The following TANC1 variants were observed in gnomAD, a reference collection of about 807,000 sequenced individuals.
TANC1 encodes protein TANC1.
Under a neutral mutation model 149.7 loss-of-function variants are expected in TANC1, and 77 were observed. That is an observed-to-expected ratio of 0.51 (90% CI 0.43 to 0.62). The LOEUF is 0.62. Ranked by LOEUF, TANC1 falls within the 20% of genes least tolerant of loss-of-function variation. The pLI, the probability that TANC1 is intolerant of heterozygous loss-of-function variation, is 0.00. For missense variants in TANC1, 1,985 were observed against 2,321.8 expected (o/e 0.85, Z 2.98); for synonymous variants, 854 against 925.0 (o/e 0.92, Z 1.39).
chr2:159,226,024 A>G (rs2060003011), intron 24 of TANC1: 4 of 491,376 alleles, frequency 8.1e-6, no homozygotes, highest in Middle Eastern at 5.5e-4. Flanking sequence ...TTTACTAAAA[A>G]TACAAAAATC....
rs1347799739 is a variant in TANC1, at chr2:159,104,055, T to C, written c.259+6221T>C. Among the ~76,000 whole-genome samples the C allele has an allele frequency of 2.1e-5, 2 of 96,030 alleles. 1 individual carries two copies. Among genetic ancestry groups the C allele is most frequent in the Non-Finnish European group, 5.8e-5 (2 of 34,370 alleles). The allele number at this position is 96,030 out of a possible 152,430, so 63.0% of individuals were successfully genotyped here. ...AGAGCCAGCTGGTTCTAGTCCTTGC[T>C]TCCACTGCTGAGTGGTTGGGACCAC... On this transcript the variant is annotated intron_variant, in intron 4 of 26. Coordinates refer to ENST00000263635, the MANE Select transcript of TANC1 (RefSeq NM_033394.3).
chr2:159,077,234 T>G (rs1340894487), intron 3 of TANC1, among the ~76,000 whole-genome samples: 2 of 152,178 alleles, frequency 1.3e-5, no homozygotes, highest in African/African-American at 4.8e-5. Context: ...CTTTTAAATT[T>G]TTTGTAGAGG....
chr2:159,124,421 A>G (rs2049178110), intron 4 of TANC1, among the ~76,000 whole-genome samples: 2 of 152,178 alleles, frequency 1.3e-5, no homozygotes, highest in Non-Finnish European at 2.9e-5. Context: ...TGCATGTCTA[A>G]TAAGTTCGCA....
intron 1 of TANC1, among the ~76,000 whole-genome samples, chr2:158,998,980 C>T (rs1238550572): frequency 1.3e-5 from 2 of 152,050 alleles, no homozygotes; most frequent in African/African-American, 4.8e-5. Flanking sequence ...GAAATCACTC[C>T]CTGAAGGCCA....
intron 3 of TANC1, among the ~76,000 whole-genome samples, chr2:159,077,667 T>C (rs1463745786): frequency 6.6e-6 from 1 of 152,230 alleles, no homozygotes; most frequent in African/African-American, 2.4e-5. Context: ...TATAGCCTTC[T>C]AAAAAGTAGC....
intron 19 of TANC1, among the ~76,000 whole-genome samples, chr2:159,206,181 G>A (rs1032347010): frequency 2.0e-5 from 3 of 152,198 alleles, no homozygotes; most frequent in Admixed American, 2.0e-4. Flanking sequence ...GAGCAAGATG[G>A]GGTGGGGTGA....
intron 1 of TANC1, among the ~76,000 whole-genome samples, chr2:158,981,650 G>A (rs1022286765): frequency 4.0e-5 from 6 of 150,572 alleles, no homozygotes; most frequent in Admixed American, 2.0e-4. Flanking sequence ...AATAGTTGGC[G>A]TGGTTAAATG....
intron 2 of TANC1, chr2:159,060,091 A>G: frequency 1.0e-6 from 1 of 976,976 alleles, no homozygotes; most frequent in Non-Finnish European, 1.2e-6. Context: ...GGTGTTATAC[A>G]GAAGGCATGA....
Position 159,230,367 on chromosome 2 carries a change from G to T in TANC1, c.4941G>T (p.Gly1647=). The T allele has an allele frequency of 6.2e-7, 1 of 1,614,106 alleles. No homozygotes were observed. The highest frequency in any genetic ancestry group is 8.5e-7 in the Non-Finnish European group (1 of 1,180,032). Residue 1647 remains glycine (G), a synonymous_variant, in exon 27 of 27, where the codon GGG becomes GGT. Coordinates refer to ENST00000263635, the MANE Select transcript of TANC1 (RefSeq NM_033394.3). This position sits in a 1 kb window ranked among gnomAD's most constrained non-coding sequence, Gnocchi z 4.4. Reference sequence around the variant, plus strand: ...ACGCAGCCCCTCCAAACCAAGGTGGGCTGGCGACCTGCAGCGACGTGCGAC... The same window carrying T: ...ACGCAGCCCCTCCAAACCAAGGTGGTCTGGCGACCTGCAGCGACGTGCGAC... ...AVDAAPPNQG[G]LATCSDVRHP...
At chr2:159,006,226 G>A (rs557632354) in intron 2 of TANC1, among the ~76,000 whole-genome samples, 30 of 151,000 alleles carry the variant, frequency 2.0e-4, no homozygotes, top group African/African-American at 7.3e-4. Context: ...AAACTGGGAG[G>A]CGGAGGTTGC....
intron 3 of TANC1, among the ~76,000 whole-genome samples, chr2:159,094,682 A>T (rs944045537): frequency 6.6e-6 from 1 of 151,404 alleles, no homozygotes; most frequent in African/African-American, 2.4e-5. Flanking sequence ...GCACAGTGCT[A>T]TAAGACTGGC....
chr2:159,203,164 G>A (rs1377426010), intron 19 of TANC1, among the ~76,000 whole-genome samples: 1 of 151,432 alleles, frequency 6.6e-6, no homozygotes, highest in African/African-American at 2.4e-5. Flanking sequence ...AGTTCCCTTC[G>A]TAGGACTTAC....
intron 2 of TANC1, among the ~76,000 whole-genome samples, chr2:159,062,622 A>G (rs951222017): frequency 2.0e-5 from 3 of 152,160 alleles, no homozygotes; most frequent in African/African-American, 7.2e-5. Flanking sequence ...CAGAAACTCA[A>G]TATTCTCCAT....
intron 4 of TANC1, among the ~76,000 whole-genome samples, chr2:159,123,799 C>G (rs1433896693): frequency 6.6e-6 from 1 of 152,194 alleles, no homozygotes; most frequent in Non-Finnish European, 1.5e-5. Context: ...TCTCTTCCTC[C>G]AACTGCTTTT....
intron 1 of TANC1, among the ~76,000 whole-genome samples, chr2:158,972,447 A>G (rs1197108956): frequency 3.9e-5 from 6 of 152,150 alleles, no homozygotes; most frequent in Non-Finnish European, 8.8e-5. Flanking sequence ...GGTTGATGGT[A>G]AAGAGGTAGT....
chr2:159,200,100 C>T (rs1391591270), intron 19 of TANC1, among the ~76,000 whole-genome samples: 15 of 152,152 alleles, frequency 9.9e-5, no homozygotes, highest in African/African-American at 2.4e-5. Context: ...GGAGTCCTTC[C>T]CCTTCCCTTT....
At chr2:159,067,092 T>C (rs927243974) in intron 3 of TANC1, among the ~76,000 whole-genome samples, 5 of 152,246 alleles carry the variant, frequency 3.3e-5, no homozygotes, top group Non-Finnish European at 5.9e-5. Flanking sequence ...TTAAGAAGTA[T>C]GTTTATTACT....
intron 25 of TANC1, chr2:159,228,212 A>G: frequency 2.1e-6 from 1 of 477,890 alleles, no homozygotes; most frequent in East Asian, 3.9e-5. Flanking sequence ...AGTAATGAGA[A>G]GCAAATGCAG....
chr2:159,228,633 CATT>C (rs995420454), intron 25 of TANC1, 160 bp from the exon 26 acceptor site: 2 of 634,186 alleles, frequency 3.2e-6, no homozygotes, highest in Non-Finnish European at 2.8e-6. Context: ...AATCAACCAT[CATT>C]ATCTCCTCAC....
Sources: allele counts gnomAD v4.1 joint callset (sites outside exome capture counted in the v4.1 genomes callset), GRCh38; gene constraint gnomAD v4.1.1; non-coding constraint Gnocchi (gnomAD v3.1); transcripts MANE v1.5; gene names NCBI Gene and HGNC (gene_info 2026-07-23, HGNC 2026-07-21).